The following BICC1 variants were observed in gnomAD, a reference collection of about 807,000 sequenced individuals.
BICC1 encodes the protein BicC family RNA binding protein 1, also known as protein bicaudal C homolog 1.
Under a neutral mutation model 111.0 loss-of-function variants are expected in BICC1, and 43 were observed. The ratio of observed to expected loss-of-function variants is 0.39; its 90% CI spans 0.30 to 0.50. BICC1 has a LOEUF of 0.50. Among genes scored for constraint, BICC1 ranks in the 20% least tolerant of loss-of-function variants. The pLI, the probability that BICC1 is intolerant of heterozygous loss-of-function variation, is 0.88. For synonymous variants in BICC1, 467 were observed against 434.4 expected, an observed-to-expected ratio of 1.07 and a Z score of -0.93; for missense variants, 1,091 against 1,203.2, an observed-to-expected ratio of 0.91 and a Z score of 1.38.
intron 1 of BICC1, among the ~76,000 whole-genome samples, chr10:58,561,858 CTTTA>C (rs1843613709): frequency 6.6e-6 from 1 of 152,066 alleles, no homozygotes; most frequent in Non-Finnish European, 1.5e-5. Context: ...CTAGAAAAGA[CTTTA>C]TTTCTTCATT....
intron 2 of BICC1, among the ~76,000 whole-genome samples, chr10:58,696,433 A>G (rs937418830): frequency 6.6e-6 from 1 of 152,170 alleles, no homozygotes; most frequent in Non-Finnish European, 1.5e-5. Context: ...TTTACTATGA[A>G]TATTTGCTAT....
chr10:58,515,100 G>C (rs1029647882), intron 1 of BICC1, among the ~76,000 whole-genome samples: 1 of 152,134 alleles, frequency 6.6e-6, no homozygotes, highest in African/African-American at 2.4e-5. Flanking sequence ...TTTTCACTTC[G>C]AATAAAATGA....
chr10:58,618,003 C>G (rs961505594), intron 1 of BICC1, among the ~76,000 whole-genome samples: 1 of 152,242 alleles, frequency 6.6e-6, no homozygotes, highest in Non-Finnish European at 1.5e-5. Flanking sequence ...CCTCTGGGTC[C>G]AGGGTTTCAC....
intron 3 of BICC1, chr10:58,715,706 A>G: frequency 6.3e-7 from 1 of 1,583,822 alleles, no homozygotes; most frequent in East Asian, 2.2e-5. Context: ...TAGAAAAGAA[A>G]AAGAAAGGTT....
intron 2 of BICC1, among the ~76,000 whole-genome samples, chr10:58,631,661 A>G (rs1837798728): frequency 6.6e-6 from 1 of 152,176 alleles, no homozygotes. Context: ...GAATTTAGCC[A>G]AAGTTGTAAC....
intron 8 of BICC1, among the ~76,000 whole-genome samples, chr10:58,792,288 TA>T (rs1843206713): frequency 2.6e-5 from 4 of 151,830 alleles, no homozygotes; most frequent in African/African-American, 9.7e-5. Context: ...ATGAGGTAGT[TA>T]AAAGAAGGGA....
chr10:58,531,860 T>C (rs1224952676), intron 1 of BICC1, among the ~76,000 whole-genome samples: 1 of 151,408 alleles, frequency 6.6e-6, no homozygotes, highest in Admixed American at 6.6e-5. Context: ...CAAAGACAGG[T>C]CATTTGAAAT....
intron 18 of BICC1, among the ~76,000 whole-genome samples, chr10:58,816,938 T>A (rs1249287731): frequency 6.6e-6 from 1 of 152,090 alleles, no homozygotes; most frequent in African/African-American, 2.4e-5. Context: ...CTTAAAAGTT[T>A]TCCCCAGAGA....
chr10:58,813,316 TAGAG>T (rs1044633289), intron 17 of BICC1, among the ~76,000 whole-genome samples: 6 of 152,188 alleles, frequency 3.9e-5, no homozygotes, highest in Non-Finnish European at 7.3e-5. Context: ...TGTAATTTGT[TAGAG>T]AGATTGTATC....
intron 1 of BICC1, among the ~76,000 whole-genome samples, chr10:58,552,987 C>T (rs1272203856): frequency 2.6e-5 from 4 of 152,072 alleles, no homozygotes; most frequent in Non-Finnish European, 5.9e-5. Flanking sequence ...GCCTTTGTTG[C>T]TAAGTGTTCC....
intron 1 of BICC1, among the ~76,000 whole-genome samples, chr10:58,516,973 A>G (rs1051376734): frequency 6.6e-6 from 1 of 152,220 alleles, no homozygotes; most frequent in Non-Finnish European, 1.5e-5. Flanking sequence ...TGAGGCAATC[A>G]CAGGATTCCT....
At chr10:58,581,502 A>G (rs1844279543) in intron 1 of BICC1, among the ~76,000 whole-genome samples, 1 of 152,234 alleles carries the variant, frequency 6.6e-6, no homozygotes. Context: ...ACAAACTTAA[A>G]AAGCAGGAAT....
intron 2 of BICC1, among the ~76,000 whole-genome samples, chr10:58,641,019 T>C (rs1038442929): frequency 5.3e-5 from 8 of 152,234 alleles, no homozygotes. Flanking sequence ...ATTGAGGATA[T>C]AATTGTATTT....
chr10:58,697,541 C>G (rs1022340144), intron 2 of BICC1, among the ~76,000 whole-genome samples: 1 of 152,190 alleles, frequency 6.6e-6, no homozygotes, highest in Non-Finnish European at 1.5e-5. Flanking sequence ...ATTTTCTTCT[C>G]AGCGGTTTTG....
rs1163957972 is a variant in BICC1 at position 58,641,879 on chromosome 10, C to A, written c.237+20978C>A. Reference sequence around the variant, plus strand: ...TGTGTTAGGAATTCACATTGTGATTCACATTGTGTTGGAATGTGAATCACA... The same window carrying A: ...TGTGTTAGGAATTCACATTGTGATTAACATTGTGTTGGAATGTGAATCACA... On this transcript the variant is annotated intron_variant, in intron 2 of 20. Transcript: ENST00000373886. Among the ~76,000 whole-genome samples, 3 of 152,218 alleles carry A rather than the reference C, an allele frequency of 2.0e-5. No homozygotes were observed. The East Asian group carries it at 5.8e-4, about 29-fold the overall frequency.
At chr10:58,512,348 C>G (rs1181680481), upstream of BICC1, among the ~76,000 whole-genome samples, 1 of 152,120 alleles carries the variant, frequency 6.6e-6, no homozygotes, top group African/African-American at 2.4e-5. Flanking sequence ...CTTCTCCAAG[C>G]CTTCTTTTTC....
At chr10:58,756,147 G>A (rs919199687) in intron 3 of BICC1, among the ~76,000 whole-genome samples, 1 of 151,992 alleles carries the variant, frequency 6.6e-6, no homozygotes, top group East Asian at 1.9e-4. Flanking sequence ...TTTGTAACAT[G>A]ACCTGTCCCA....
intron 3 of BICC1, among the ~76,000 whole-genome samples, chr10:58,764,629 CTTTTT>C (rs11366847): frequency 2.6e-5 from 3 of 117,582 alleles, no homozygotes; most frequent in African/African-American, 3.1e-5. Context: ...TAATTTCCTT[CTTTTT>C]TTTTTTTTTT....
chr10:58,808,011 T>G (rs1843764567), intron 17 of BICC1, among the ~76,000 whole-genome samples: 1 of 152,182 alleles, frequency 6.6e-6, no homozygotes, highest in South Asian at 2.1e-4. Flanking sequence ...AGATTGACCT[T>G]TTCTCCACCC....
Sources: gnomAD v4.1 joint callset for allele counts (sites outside exome capture counted in the v4.1 genomes callset) on GRCh38, gnomAD v4.1.1 for gene constraint, MANE v1.5 for transcripts, NCBI Gene and HGNC (gene_info 2026-07-23, HGNC 2026-07-21) for gene names.